The following DIP2A variants were observed in gnomAD, a reference collection of about 807,000 sequenced individuals.
DIP2A encodes disco-interacting protein 2 homolog A.
A neutral mutation model predicts 177.4 loss-of-function variants in DIP2A; 85 were observed. That is an observed-to-expected ratio of 0.48 (90% confidence interval 0.40 to 0.57). The LOEUF (loss-of-function observed/expected upper bound fraction) is 0.57. Among genes scored for constraint, DIP2A ranks in the 20% least tolerant of loss-of-function variants. The probability of loss-of-function intolerance (pLI) is 0.00; values close to 1 mark genes in which losing one functional copy is unlikely to be tolerated. For missense variants in DIP2A, 1,791 were observed against 2,100.2 expected (o/e 0.85, Z 2.88); for synonymous variants, 886 against 881.8 (o/e 1.00, Z -0.08).
intron 3 of DIP2A, among the ~76,000 whole-genome samples, chr21:46,491,723 C>T (rs2057027065): frequency 6.6e-6 from 1 of 152,288 alleles, no homozygotes; most frequent in Middle Eastern, 3.4e-3. Flanking sequence ...GAGAGTGGTC[C>T]TAGAAAAGGT....
At position 46,568,519 on chromosome 21, in the gene DIP2A, TAAAA is replaced by T. The variant is rs960671758; in HGVS notation, c.*901_*904del. On this transcript the variant is annotated 3_prime_UTR_variant, in exon 38 of 38. Coordinates refer to ENST00000417564, the MANE Select transcript of DIP2A (RefSeq NM_015151.4). ...TGGGTGACAGCACGAGATGCCGTCTTAAAAAAACAAAAAAGAGGTGTGCTGCTTG... is the reference window on the plus strand; with the variant it reads ...TGGGTGACAGCACGAGATGCCGTCTTAAACAAAAAAGAGGTGTGCTGCTTG... The T allele has an allele frequency of 6.6e-6, 1 of 151,736 alleles. No homozygotes were observed. The highest frequency in any genetic ancestry group is 6.6e-5 in the Admixed American group (1 of 15,244). The allele number at this position is 151,736 out of a possible 1,614,324, so 9.4% of individuals were successfully genotyped here.
At chr21:46,540,213 G>A (rs1005559587) in intron 17 of DIP2A, among the ~76,000 whole-genome samples, 6 of 152,124 alleles carry the variant, frequency 3.9e-5, no homozygotes, top group South Asian at 2.1e-4. Context: ...GCCGGCTTGC[G>A]ATTTTCCTGA....
chr21:46,509,632 C>T (rs1040253813), intron 7 of DIP2A, among the ~76,000 whole-genome samples: 1 of 152,146 alleles, frequency 6.6e-6, no homozygotes, highest in African/African-American at 2.4e-5. Context: ...ATTTAACTTA[C>T]ATTATTTAAA....
chr21:46,491,314 T>C (rs1037115214), intron 3 of DIP2A, among the ~76,000 whole-genome samples: 8 of 152,252 alleles, frequency 5.3e-5, no homozygotes, highest in African/African-American at 1.9e-4. Context: ...TTGTATATTT[T>C]CTTCACATTT....
chr21:46,546,637 C>T (rs1020835479), intron 20 of DIP2A, among the ~76,000 whole-genome samples: 2 of 152,188 alleles, frequency 1.3e-5, no homozygotes, highest in African/African-American at 4.8e-5. Flanking sequence ...GCCCCAGCAG[C>T]CCCACTTTCT....
intron 8 of DIP2A, among the ~76,000 whole-genome samples, chr21:46,516,686 G>C (rs1251437751): frequency 1.3e-5 from 2 of 151,144 alleles, no homozygotes; most frequent in African/African-American, 4.9e-5. Context: ...GTAGAGACAG[G>C]GTTTCACTGT....
At chr21:46,551,585 T>C (rs1412946121) in intron 23 of DIP2A, 49 bp from the exon 24 acceptor site, 2 of 1,491,062 alleles carry the variant, frequency 1.3e-6, no homozygotes, top group Non-Finnish European at 9.3e-7. Flanking sequence ...ACGTGATGTT[T>C]ATATATGAGA....
At position 46,538,481 on chromosome 21, in the gene DIP2A, A is replaced by G; in HGVS notation, c.1802-2A>G. Reference sequence around the variant, plus strand: ...GATGTCTGTGCCATCCTCTCTCTGCAGCTCGGGCCGCGCTGGTGAAGTCGC... The same window carrying G: ...GATGTCTGTGCCATCCTCTCTCTGCGGCTCGGGCCGCGCTGGTGAAGTCGC... On this transcript the variant is annotated splice_acceptor_variant, in intron 15 of 37. Coordinates refer to ENST00000417564, the MANE Select transcript of DIP2A (RefSeq NM_015151.4). LOFTEE classifies it high-confidence loss of function. The G allele has an allele frequency of 6.5e-7, 1 of 1,543,840 alleles. No homozygotes were observed. Among genetic ancestry groups the G allele is most frequent in the Non-Finnish European group, 8.7e-7 (1 of 1,147,322 alleles).
At chr21:46,521,235 T>C (rs536543143) in intron 8 of DIP2A, among the ~76,000 whole-genome samples, 2 of 152,246 alleles carry the variant, frequency 1.3e-5, no homozygotes, top group African/African-American at 2.4e-5. Flanking sequence ...GTCACCCAGG[T>C]TGAAGTGCAG....
intron 9 of DIP2A, among the ~76,000 whole-genome samples, chr21:46,530,926 T>G (rs578236382): frequency 3.3e-5 from 5 of 152,174 alleles, no homozygotes; most frequent in Admixed American, 6.5e-5. Context: ...AGAGGGAATA[T>G]AATTTTAACT....
At chr21:46,524,895 T>TTTTTTTTTTTTTTTTTTTTTTTTTTA in intron 8 of DIP2A, among the ~76,000 whole-genome samples, 1 of 88,976 alleles carries the variant, frequency 1.1e-5, no homozygotes, top group Non-Finnish European at 2.4e-5. Context: ...TTTTTTTTTT[T>TTTTTTTTTTTTTTTTTTTTTTTTTTA]TTTTTTTTTG....
intron 2 of DIP2A, among the ~76,000 whole-genome samples, chr21:46,489,333 C>T (rs1277715019): frequency 6.6e-6 from 1 of 152,230 alleles, no homozygotes; most frequent in Non-Finnish European, 1.5e-5. Flanking sequence ...GTCCACAGAG[C>T]CAGAGCTGGG....
intron 8 of DIP2A, among the ~76,000 whole-genome samples, chr21:46,522,151 C>A (rs2058851363): frequency 6.6e-6 from 1 of 152,078 alleles, no homozygotes; most frequent in African/African-American, 2.4e-5. Flanking sequence ...CTTTATTTCC[C>A]AAAGGTTACT....
chr21:46,484,250 G>A (rs549645410), intron 1 of DIP2A, among the ~76,000 whole-genome samples: 2 of 152,088 alleles, frequency 1.3e-5, no homozygotes, highest in Non-Finnish European at 2.9e-5. Context: ...CCCAGGGGAT[G>A]GTGATCACAA....
Position 46,498,424 on chromosome 21 carries a change from G to A in DIP2A, c.404-158G>A, listed in dbSNP as rs1478297326. Among the ~76,000 whole-genome samples, 3 of 152,098 alleles carry A rather than the reference G, an allele frequency of 2.0e-5. No homozygotes were observed. The highest frequency in any genetic ancestry group is 2.9e-5 in the Non-Finnish European group (2 of 68,018). On this transcript the variant is annotated intron_variant, in intron 4 of 37. Transcript: ENST00000417564. This position sits in a 1 kb window ranked among gnomAD's most constrained non-coding sequence, Gnocchi z 4.3. ...TTCTTGCATGCCCTTCTAGATTGAG[G>A]GTGACCTTTGAGCTGACTGCGTGGC...
chr21:46,534,462 G>T, intron 12 of DIP2A, 123 bp from the exon 13 acceptor site: 1 of 949,208 alleles, frequency 1.1e-6, no homozygotes, highest in Admixed American at 2.3e-5. Context: ...CTGCTGGTTA[G>T]AGGCCGATGG....
At chr21:46,471,407 T>A (rs1202774350) in intron 1 of DIP2A, among the ~76,000 whole-genome samples, 1 of 152,228 alleles carries the variant, frequency 6.6e-6, no homozygotes, top group African/African-American at 2.4e-5. Context: ...TATCCCATAT[T>A]CCCCCACCCT....
chr21:46,562,980 A>G (rs1243080050), intron 34 of DIP2A, among the ~76,000 whole-genome samples: 3 of 152,110 alleles, frequency 2.0e-5, no homozygotes, highest in Non-Finnish European at 4.4e-5. Context: ...GTACAGCCGC[A>G]CTGTAATTGT....
rs933697790 is a variant in DIP2A at position 46,568,972 on chromosome 21, A to C, written c.*1350A>C. On this transcript the variant is annotated 3_prime_UTR_variant, in exon 38 of 38. Coordinates refer to ENST00000417564, the MANE Select transcript of DIP2A (RefSeq NM_015151.4). ...TTATTATTTTGTTCAAACTTGACTA[A>C]GCTGAGTGATCTAAAATTATACAGA... 1 of 152,236 alleles carries C rather than the reference A, an allele frequency of 6.6e-6. No homozygotes were observed. Among genetic ancestry groups the C allele is most frequent in the Non-Finnish European group, 1.5e-5 (1 of 68,034 alleles). 9.4% of individuals were successfully genotyped at this position (152,236 alleles called of 1,614,324 possible). A position where few individuals can be genotyped will look rare whatever the true frequency, so the allele number is the denominator to read the frequency against.
Sources: allele counts gnomAD v4.1 joint callset (sites outside exome capture counted in the v4.1 genomes callset), GRCh38; gene constraint gnomAD v4.1.1; non-coding constraint Gnocchi (gnomAD v3.1); transcripts MANE v1.5; gene names NCBI Gene and HGNC (gene_info 2026-07-23, HGNC 2026-07-21).